VWA3B: variants seen among roughly 807,000 people sequenced by gnomAD.
VWA3B encodes the protein von Willebrand factor A domain-containing protein 3B.
VWA3B carries 138 observed loss-of-function variants against 158.3 expected under a neutral mutation model. The observed-to-expected ratio is 0.87, with a 90% CI of 0.76 to 1.00. The LOEUF (loss-of-function observed/expected upper bound fraction) is 1.00, where lower values mean the gene tolerates loss of function less well. VWA3B is among the 50% of genes least tolerant of loss of function. The pLI is 0.00. For synonymous variants in VWA3B, 596 were observed against 587.3 expected (o/e 1.01, Z -0.21); for missense variants, 1,555 against 1,565.1 (o/e 0.99, Z 0.11).
At chr2:98,237,108 C>A (rs925285192) in intron 19 of VWA3B, among the ~76,000 whole-genome samples, 1 of 152,208 alleles carries the variant, frequency 6.6e-6, no homozygotes, top group Non-Finnish European at 1.5e-5. Context: ...CCTGAGACAT[C>A]GAGGCTGCAG....
chr2:98,108,545 A>C (rs1673859200), intron 2 of VWA3B, among the ~76,000 whole-genome samples: 1 of 152,208 alleles, frequency 6.6e-6, no homozygotes, highest in African/African-American at 2.4e-5. Context: ...TGATACATAC[A>C]CATTTAGGAT....
At chr2:98,178,927 C>G (rs1680239308) in intron 8 of VWA3B, among the ~76,000 whole-genome samples, 1 of 152,174 alleles carries the variant, frequency 6.6e-6, no homozygotes, top group African/African-American at 2.4e-5. Flanking sequence ...TGCCAGGAAC[C>G]CCTTCTGCGT....
intron 7 of VWA3B, among the ~76,000 whole-genome samples, chr2:98,137,934 T>C (rs1676411988): frequency 6.6e-6 from 1 of 152,242 alleles, no homozygotes; most frequent in Non-Finnish European, 1.5e-5. Context: ...TTTAATTTTC[T>C]AGTATTTTTT....
chr2:98,218,691 GGT>G (rs1417334133), intron 14 of VWA3B, among the ~76,000 whole-genome samples: 3 of 152,130 alleles, frequency 2.0e-5, no homozygotes, highest in African/African-American at 7.2e-5. Flanking sequence ...GCCCTTCTAG[GGT>G]GTGTGTTTTT....
chr2:98,244,554 T>C (rs1686273206), intron 19 of VWA3B, among the ~76,000 whole-genome samples: 1 of 152,214 alleles, frequency 6.6e-6, no homozygotes, highest in Non-Finnish European at 1.5e-5. Flanking sequence ...CAAACAATTA[T>C]GTTTTATAAT....
At chr2:98,270,954 G>A (rs1030293386) in intron 22 of VWA3B, 71 bp downstream of exon 22, 1 of 1,491,464 alleles carries the variant, frequency 6.7e-7, no homozygotes, top group South Asian at 1.2e-5. Flanking sequence ...TCCTACATTG[G>A]CTTCCTTCTC....
chr2:98,184,579 T>C (rs949731036), intron 9 of VWA3B, among the ~76,000 whole-genome samples: 4 of 152,168 alleles, frequency 2.6e-5, no homozygotes, highest in African/African-American at 9.7e-5. Flanking sequence ...GCTCTGAACA[T>C]CCCTTTTCTG....
chr2:98,283,137 G>A (rs1005464464), intron 22 of VWA3B, among the ~76,000 whole-genome samples: 3 of 152,238 alleles, frequency 2.0e-5, no homozygotes, highest in East Asian at 1.9e-4. Context: ...ATCTAGAGAC[G>A]AAAGAGGGCT....
At chr2:98,168,000 C>T (rs144619886) in intron 8 of VWA3B, among the ~76,000 whole-genome samples, 1 of 152,142 alleles carries the variant, frequency 6.6e-6, no homozygotes, top group Non-Finnish European at 1.5e-5. Context: ...CTGAACAAAG[C>T]TCAAGAAAAT....
At chr2:98,212,245 G>A in intron 13 of VWA3B, 1 of 468,476 alleles carries the variant, frequency 2.1e-6, no homozygotes. Flanking sequence ...ATGTTGCCTG[G>A]TGAGTGTGAC....
intron 12 of VWA3B, chr2:98,207,353 C>T: frequency 2.0e-6 from 1 of 487,820 alleles, no homozygotes; most frequent in South Asian, 1.6e-5. Context: ...GACTCCATCT[C>T]TCACATCATG....
At chr2:98,281,062 G>T (rs62157916) in intron 22 of VWA3B, among the ~76,000 whole-genome samples, 20,629 of 152,268 alleles carry the variant, frequency 0.14, 2,054 homozygotes, top group Non-Finnish European at 0.2. Flanking sequence ...CCGCCCCGGA[G>T]ATGCTGGGCA....
chr2:98,318,171 C>CAAAG (rs746270610), downstream of VWA3B, among the ~76,000 whole-genome samples: 11 of 152,152 alleles, frequency 7.2e-5, no homozygotes, highest in Non-Finnish European at 1.5e-5. Flanking sequence ...GGCAATTCCT[C>CAAAG]AAAGACCTAA....
At chr2:98,263,409 A>G (rs1213669232) in intron 21 of VWA3B, among the ~76,000 whole-genome samples, 1 of 151,844 alleles carries the variant, frequency 6.6e-6, no homozygotes, top group Non-Finnish European at 1.5e-5. Flanking sequence ...ATGTTGATAT[A>G]GTTTCTTAGT....
At chr2:98,308,574 A>G (rs1690677937) in intron 26 of VWA3B, among the ~76,000 whole-genome samples, 1 of 152,204 alleles carries the variant, frequency 6.6e-6, no homozygotes. Flanking sequence ...CTCACAGACC[A>G]AGTCCTTCCC....
intron 23 of VWA3B, chr2:98,292,241 A>G (rs983803313): frequency 6.6e-6 from 1 of 152,120 alleles, no homozygotes; most frequent in African/African-American, 2.4e-5. Flanking sequence ...CTGTCTCATA[A>G]AAAAAGATTA....
chr2:98,228,451 C>T (rs1185142621), intron 15 of VWA3B, 119 bp downstream of exon 15: 5 of 1,242,008 alleles, frequency 4.0e-6, no homozygotes, highest in African/African-American at 3.0e-5. Flanking sequence ...AAAAGAATCA[C>T]GTAGTGTGAT....
At chr2:98,235,327 G>A (rs1685606986) in intron 17 of VWA3B, among the ~76,000 whole-genome samples, 1 of 152,072 alleles carries the variant, frequency 6.6e-6, no homozygotes, top group South Asian at 2.1e-4. Flanking sequence ...TAGGGAGTAG[G>A]AAGTGGCTGA....
chr2:98,212,606 G>A (rs184209221), intron 13 of VWA3B, among the ~76,000 whole-genome samples: 31 of 152,278 alleles, frequency 2.0e-4, no homozygotes, highest in African/African-American at 6.7e-4. Context: ...TCAGGCCAGC[G>A]TAATGTAAAT....
Sources: gnomAD v4.1 joint callset for allele counts (sites outside exome capture counted in the v4.1 genomes callset) on GRCh38, gnomAD v4.1.1 for gene constraint, MANE v1.5 for transcripts, NCBI Gene and HGNC (gene_info 2026-07-23, HGNC 2026-07-21) for gene names.